Variants in CSMD1 observed in about 807,000 individuals in gnomAD.
CSMD1 encodes CUB and sushi domain-containing protein 1.
In CSMD1, 213 loss-of-function variants were observed where a neutral mutation model predicts 417.5. That is an observed-to-expected ratio of 0.51 (90% CI 0.46 to 0.57). The LOEUF (loss-of-function observed/expected upper bound fraction) is 0.57, where lower values mean the gene tolerates loss of function less well. Ranked by LOEUF, CSMD1 falls within the 20% of genes least tolerant of loss-of-function variation. The probability of loss-of-function intolerance (pLI) is 0.00; values close to 1 mark genes in which losing one functional copy is unlikely to be tolerated. For missense variants in CSMD1, 6,923 were observed against 4,529.7 expected, an observed-to-expected ratio of 1.53 and a Z score of -15.17; for synonymous variants, 2,862 against 1,736.8, an observed-to-expected ratio of 1.65 and a Z score of -16.11.
chr8:4,207,079 T>C (rs972853060), intron 3 of CSMD1, among the ~76,000 whole-genome samples: 3 of 152,184 alleles, frequency 2.0e-5, no homozygotes, highest in Non-Finnish European at 4.4e-5. Context: ...GTATTATGAA[T>C]GCCAGAAAAT....
intron 3 of CSMD1, among the ~76,000 whole-genome samples, chr8:4,338,147 C>T (rs1800277750): frequency 6.6e-6 from 1 of 152,038 alleles, no homozygotes; most frequent in Non-Finnish European, 1.5e-5. Context: ...TATTCCAAAG[C>T]ATGGTAGTAG....
chr8:4,416,645 C>A (rs1174584422), intron 3 of CSMD1, among the ~76,000 whole-genome samples: 1 of 151,890 alleles, frequency 6.6e-6, no homozygotes, highest in Non-Finnish European at 1.5e-5. Context: ...ATATAAAGTA[C>A]ATCAGAGAGA....
At chr8:3,307,092 T>A (rs187900730) in intron 25 of CSMD1, among the ~76,000 whole-genome samples, 2 of 152,194 alleles carry the variant, frequency 1.3e-5, no homozygotes, top group Non-Finnish European at 1.5e-5. Flanking sequence ...AAAATATGAC[T>A]TTGCTTCTCT....
chr8:4,039,821 G>C (rs953745197), intron 3 of CSMD1, among the ~76,000 whole-genome samples: 3 of 152,132 alleles, frequency 2.0e-5, no homozygotes, highest in African/African-American at 7.2e-5. Flanking sequence ...CATCAGATCT[G>C]GCATCAAATA....
intron 1 of CSMD1, among the ~76,000 whole-genome samples, chr8:4,924,353 T>G (rs1452975802): frequency 6.6e-6 from 1 of 152,198 alleles, no homozygotes; most frequent in African/African-American, 2.4e-5. Flanking sequence ...AATTTGAACG[T>G]TTTCTGTTCT....
chr8:4,918,335 C>G (rs1347307040), intron 1 of CSMD1, among the ~76,000 whole-genome samples: 1 of 152,168 alleles, frequency 6.6e-6, no homozygotes, highest in African/African-American at 2.4e-5. Flanking sequence ...CCTTCTCTCT[C>G]TTTTCTTTTT....
intron 3 of CSMD1, among the ~76,000 whole-genome samples, chr8:4,337,686 G>A (rs1340162261): frequency 6.6e-6 from 1 of 152,038 alleles, no homozygotes; most frequent in Non-Finnish European, 1.5e-5. Context: ...TTTTCTTTAA[G>A]CATGCCAACT....
chr8:4,836,324 G>T (rs1329990889), intron 1 of CSMD1, among the ~76,000 whole-genome samples: 1 of 152,100 alleles, frequency 6.6e-6, no homozygotes, highest in Admixed American at 6.5e-5. Context: ...CTTTAGCAGT[G>T]CACCATTTCC....
At chr8:3,120,714 A>T (rs1817154821) in intron 41 of CSMD1, among the ~76,000 whole-genome samples, 2 of 148,928 alleles carry the variant, frequency 1.3e-5, no homozygotes, top group South Asian at 4.2e-4. Flanking sequence ...AGGGGGGGTG[A>T]CCGGCACCTG....
intron 5 of CSMD1, among the ~76,000 whole-genome samples, chr8:3,822,065 C>G (rs112087843): frequency 3.3e-5 from 5 of 152,314 alleles, no homozygotes; most frequent in South Asian, 2.1e-4. Context: ...TTGACCTATG[C>G]TGTTAACTCT....
chr8:4,963,033 C>T (rs1809610282), intron 1 of CSMD1, among the ~76,000 whole-genome samples: 1 of 152,074 alleles, frequency 6.6e-6, no homozygotes, highest in African/African-American at 2.4e-5. Flanking sequence ...TATAGCCTCC[C>T]ACCTTACTCC....
chr8:3,894,686 G>A (rs972778282), intron 5 of CSMD1, among the ~76,000 whole-genome samples: 2 of 152,098 alleles, frequency 1.3e-5, no homozygotes, highest in Non-Finnish European at 2.9e-5. Flanking sequence ...AAAGTTCATT[G>A]ATCCTTTTTC....
At chr8:4,633,110 G>A (rs1039178993) in intron 2 of CSMD1, among the ~76,000 whole-genome samples, 2 of 152,202 alleles carry the variant, frequency 1.3e-5, no homozygotes, top group Non-Finnish European at 2.9e-5. Context: ...GGAGCCTGGG[G>A]CAGGAAAGGA....
At chr8:3,629,683 G>A (rs541207493) in intron 7 of CSMD1, among the ~76,000 whole-genome samples, 55 of 152,194 alleles carry the variant, frequency 3.6e-4, no homozygotes, top group Admixed American at 7.9e-4. Context: ...AAGAGATTAC[G>A]GAGATAGAAA....
intron 3 of CSMD1, among the ~76,000 whole-genome samples, chr8:4,368,287 A>G (rs1402326730): frequency 6.6e-6 from 1 of 152,172 alleles, no homozygotes; most frequent in African/African-American, 2.4e-5. Flanking sequence ...GGTGAATCAC[A>G]TTTATTGATA....
At chr8:3,310,800 G>A (rs746569635) in intron 23 of CSMD1, among the ~76,000 whole-genome samples, 164 of 82,106 alleles carry the variant, frequency 2.0e-3, no homozygotes, top group Non-Finnish European at 4.2e-3. Flanking sequence ...TCTGCACACA[G>A]CACCCAGGAG....
intron 5 of CSMD1, among the ~76,000 whole-genome samples, chr8:3,864,212 A>G (rs1425385700): frequency 1.3e-5 from 2 of 152,124 alleles, no homozygotes; most frequent in Non-Finnish European, 2.9e-5. Context: ...ATTCAGAAAT[A>G]CTCCTTGCTC....
intron 7 of CSMD1, among the ~76,000 whole-genome samples, chr8:3,687,870 G>C (rs563620145): frequency 2.6e-5 from 4 of 152,348 alleles, no homozygotes; most frequent in African/African-American, 7.2e-5. Flanking sequence ...GTGAGGACCA[G>C]AGTCCGTACT....
At chr8:3,765,079 C>T (rs577210487) in intron 5 of CSMD1, among the ~76,000 whole-genome samples, 214 of 152,226 alleles carry the variant, frequency 1.4e-3, no homozygotes, top group Non-Finnish European at 2.6e-3. Context: ...TTTTTCATAG[C>T]TTTCAAACAC....
Sources: allele counts gnomAD v4.1 joint callset (sites outside exome capture counted in the v4.1 genomes callset), GRCh38; gene constraint gnomAD v4.1.1; transcripts MANE v1.5; gene names NCBI Gene and HGNC (gene_info 2026-07-23, HGNC 2026-07-21).